Variants in EYS observed in about 807,000 individuals in gnomAD.
The protein encoded by EYS is protein eyes shut homolog.
EYS carries 250 observed loss-of-function variants against 282.1 expected under a neutral mutation model. That is an observed-to-expected ratio of 0.89 (90% CI 0.80 to 0.98). The LOEUF is 0.98. Ranked by LOEUF, EYS falls within the 50% of genes least tolerant of loss-of-function variation. The pLI is 0.00. For synonymous variants in EYS, 1,355 were observed against 1,282.9 expected, an observed-to-expected ratio of 1.06 and a Z score of -1.20; for missense variants, 4,016 against 3,709.0, an observed-to-expected ratio of 1.08 and a Z score of -2.15.
chr6:64,177,010 G>A, intron 31 of EYS, among the ~76,000 whole-genome samples: 1 of 151,016 alleles, frequency 6.6e-6, no homozygotes, highest in East Asian at 2.0e-4. Context: ...TGTTGTTGTT[G>A]CTATCAATGA....
At chr6:64,802,703 A>T (rs935104542) in intron 22 of EYS, among the ~76,000 whole-genome samples, 3 of 152,234 alleles carry the variant, frequency 2.0e-5, no homozygotes, top group Non-Finnish European at 4.4e-5. Context: ...ATTAATTAAT[A>T]ACAAACTATC....
At chr6:63,999,275 G>C (rs1582105313) in intron 33 of EYS, 92 bp from the exon 34 acceptor site, 1 of 799,688 alleles carries the variant, frequency 1.3e-6, no homozygotes, top group East Asian at 2.7e-5. Context: ...TCTTCATTGA[G>C]AGAGGTACTT....
Position 63,789,064 on chromosome 6 carries a change from C to T in EYS, c.7572G>A (p.Trp2524Ter), listed in dbSNP as rs902462590. Reference protein sequence around the residue: ...VHLGKFFQEGWLKVDDHKNKS... With the variant: ...VHLGKFFQEG ...CGAAGGAATGACTCTTTACCTTCAG[C>T]CAGCCCTCTTGGAAGAACTTGCCCA... The change falls in exon 38 of 43, where the codon TGG becomes TGA. Residue 2524 changes from tryptophan (W) to a stop codon, truncating the protein, a stop_gained. Coordinates refer to ENST00000503581, the MANE Select transcript of EYS (RefSeq NM_001142800.2). LOFTEE classifies it high-confidence loss of function. 6.4e-7 allele frequency: 1 copy of T among 1,551,358 alleles called. No homozygotes were observed. The highest frequency in any genetic ancestry group is 8.7e-7 in the Non-Finnish European group (1 of 1,146,784).
chr6:65,598,063 G>A (rs1426902793), intron 2 of EYS, among the ~76,000 whole-genome samples: 1 of 151,918 alleles, frequency 6.6e-6, no homozygotes, highest in Non-Finnish European at 1.5e-5. Context: ...TCCGGCCACT[G>A]CACTCTAAAC....
At chr6:65,167,741 T>C (rs569231118) in intron 12 of EYS, among the ~76,000 whole-genome samples, 17 of 151,506 alleles carry the variant, frequency 1.1e-4, no homozygotes, top group Middle Eastern at 6.8e-3. Context: ...TTTATCACTG[T>C]GTCTTTTGGG....
At chr6:64,661,095 C>T (rs1412554593) in intron 22 of EYS, among the ~76,000 whole-genome samples, 2 of 152,116 alleles carry the variant, frequency 1.3e-5, no homozygotes, top group Non-Finnish European at 2.9e-5. Context: ...TATCTACAAC[C>T]ATCTGATCTT....
intron 31 of EYS, among the ~76,000 whole-genome samples, chr6:64,151,351 A>ATATATATATATATATATATT (rs1774720814): frequency 9.6e-6 from 1 of 104,262 alleles, no homozygotes; most frequent in African/African-American, 4.5e-5. Flanking sequence ...ATATATATAT[A>ATATATATATATATATATATT]TATATATATA....
intron 35 of EYS, among the ~76,000 whole-genome samples, chr6:63,895,739 C>G (rs1028732203): frequency 6.6e-6 from 1 of 152,160 alleles, no homozygotes; most frequent in Non-Finnish European, 1.5e-5. Context: ...AAACCAAGCA[C>G]TTAATTCTTC....
At chr6:64,497,698 T>C (rs1284432554) in intron 26 of EYS, among the ~76,000 whole-genome samples, 1 of 152,074 alleles carries the variant, frequency 6.6e-6, no homozygotes, top group East Asian at 1.9e-4. Flanking sequence ...AGGTATCCCA[T>C]TAACCCAGGC....
intron 5 of EYS, among the ~76,000 whole-genome samples, chr6:65,464,648 C>G (rs1353093645): frequency 6.6e-6 from 1 of 152,110 alleles, no homozygotes; most frequent in Non-Finnish European, 1.5e-5. Flanking sequence ...TCTCCTCTCC[C>G]CAGTCGTTTT....
At chr6:64,783,355 T>G (rs907953198) in intron 22 of EYS, among the ~76,000 whole-genome samples, 1 of 151,128 alleles carries the variant, frequency 6.6e-6, no homozygotes, top group Non-Finnish European at 1.5e-5. Context: ...TATATACATA[T>G]ATACATATTA....
At chr6:65,014,043 A>C (rs756009829) in intron 13 of EYS, among the ~76,000 whole-genome samples, 22 of 152,242 alleles carry the variant, frequency 1.4e-4, no homozygotes, top group Non-Finnish European at 2.9e-4. Context: ...ACTTTAAAAG[A>C]AGTCAGAGGC....
intron 35 of EYS, among the ~76,000 whole-genome samples, chr6:63,950,770 A>C (rs1482583101): frequency 6.6e-6 from 1 of 150,952 alleles, no homozygotes; most frequent in Non-Finnish European, 1.5e-5. Context: ...CTCTTCTCCA[A>C]CCTCTCTATC....
intron 35 of EYS, among the ~76,000 whole-genome samples, chr6:63,932,540 C>G (rs982023749): frequency 1.3e-5 from 2 of 152,046 alleles, no homozygotes; most frequent in African/African-American, 4.8e-5. Context: ...TTTTTTAGTC[C>G]TGTTCTATTT....
At chr6:64,035,493 A>C (rs536616415) in intron 33 of EYS, among the ~76,000 whole-genome samples, 8 of 152,348 alleles carry the variant, frequency 5.3e-5, no homozygotes, top group African/African-American at 1.9e-4. Context: ...AATCAGAGCC[A>C]GGTCTTGCAA....
At chr6:64,462,720 T>G (rs1419909388) in intron 26 of EYS, among the ~76,000 whole-genome samples, 4 of 152,076 alleles carry the variant, frequency 2.6e-5, no homozygotes, top group African/African-American at 9.7e-5. Context: ...GTCTTTTTTC[T>G]CCTCCTGTCT....
chr6:64,719,008 C>G (rs768257373), intron 22 of EYS, among the ~76,000 whole-genome samples: 1 of 152,074 alleles, frequency 6.6e-6, no homozygotes, highest in Non-Finnish European at 1.5e-5. Context: ...TAAAGGCAGA[C>G]GATTTTCTTA....
At position 65,032,627 on chromosome 6, in the gene EYS, C is replaced by A. The variant is rs572925749; in HGVS notation, c.2137+24987G>T. 6.5e-4 allele frequency among the ~76,000 whole-genome samples: 99 copies of A among 152,194 alleles called. No individual in the cohort carries two copies. In the South Asian group the frequency reaches 0.02, roughly 30 times the overall value. ...CAAGAATCTGGGCAGATGCCAGCAC[C>A]ATACTTCCTGTAAAGCCTGCAGAAC... is the stretch of plus-strand genomic sequence containing the variant. On this transcript the variant is annotated intron_variant, in intron 13 of 42. Transcript: ENST00000503581.
At chr6:64,580,298 A>G (rs369909822) in intron 26 of EYS, among the ~76,000 whole-genome samples, 24 of 152,280 alleles carry the variant, frequency 1.6e-4, no homozygotes, top group African/African-American at 5.8e-4. Flanking sequence ...ACAACAAATG[A>G]CCAAAGTCAA....
Sources: allele counts gnomAD v4.1 joint callset (sites outside exome capture counted in the v4.1 genomes callset), GRCh38; gene constraint gnomAD v4.1.1; transcripts MANE v1.5; gene names NCBI Gene and HGNC (gene_info 2026-07-23, HGNC 2026-07-21).